The following TRDMT1 variants were observed in gnomAD, a reference collection of about 807,000 sequenced individuals.
The protein encoded by TRDMT1 is tRNA aspartic acid methyltransferase 1, also known as tRNA (cytosine(38)-C(5))-methyltransferase.
TRDMT1 carries 49 observed loss-of-function variants against 51.2 expected under a neutral mutation model. That is an observed-to-expected ratio of 0.96 (90% CI 0.76 to 1.21). The LOEUF (loss-of-function observed/expected upper bound fraction) is 1.21, where lower values mean the gene tolerates loss of function less well. TRDMT1 is among the 50% of genes most tolerant of loss of function. The pLI is 0.00. For missense variants in TRDMT1, 534 were observed against 462.3 expected (o/e 1.16, Z -1.42); for synonymous variants, 187 against 164.6 (o/e 1.14, Z -1.04).
chr10:17,148,537 T>C lies in TRDMT1; in HGVS notation c.*503A>G. 1 of 985,082 alleles carries C rather than the reference T, an allele frequency of 1.0e-6. No individual in the cohort carries two copies. The highest frequency in any genetic ancestry group is 1.1e-4 in the East Asian group (1 of 8,820). 61.0% of individuals were successfully genotyped at this position (985,082 alleles called of 1,614,324 possible). On this transcript the variant is annotated 3_prime_UTR_variant, in exon 11 of 11. Transcript: ENST00000377799. ...GTCTGCTGTATAAACTGAATGATGA[T>C]AATTTGGTTTACATATCATATGCAT...
At position 17,155,521 on chromosome 10, in the gene TRDMT1, G is replaced by GC. The variant is rs540945583; in HGVS notation, c.888-788dup. Among the ~76,000 whole-genome samples the GC allele has an allele frequency of 4.2e-4, 64 of 152,160 alleles. No homozygotes were observed. In the East Asian group the frequency reaches 0.011, roughly 25 times the overall value. ...TCTCTAACACCACAGCAAACACAGTGCCACTGATCCTATGTCTGCTTGTCA... is the reference window on the plus strand; with the variant it reads ...TCTCTAACACCACAGCAAACACAGTGCCCACTGATCCTATGTCTGCTTGTCA... On this transcript the variant is annotated intron_variant, in intron 8 of 10. Transcript: ENST00000377799.
intron 3 of TRDMT1, 37 bp from the exon 4 acceptor site, chr10:17,162,274 A>G (rs1357645540): frequency 6.6e-7 from 1 of 1,511,104 alleles, no homozygotes; most frequent in Admixed American, 2.1e-5. Flanking sequence ...AAAAAAAAAC[A>G]CAGAAAGTTT....
Position 17,146,811 on chromosome 10 carries a change from A to G in TRDMT1, c.*2229T>C. The G allele has an allele frequency of 1.0e-6, 1 of 985,414 alleles. No homozygotes were observed. The highest frequency in any genetic ancestry group is 1.1e-4 in the East Asian group (1 of 8,824). The allele number at this position is 985,414 out of a possible 1,614,324, so 61.0% of individuals were successfully genotyped here. ...CAAAAGCATATAGCAGACATTCCAT[A>G]AAATAACATTTTCCAAATTAATTAT... is the stretch of plus-strand genomic sequence containing the variant. On this transcript the variant is annotated 3_prime_UTR_variant, in exon 11 of 11. Transcript: ENST00000377799.
Position 17,146,954 on chromosome 10 carries a change from T to C in TRDMT1, c.*2086A>G. On this transcript the variant is annotated 3_prime_UTR_variant, in exon 11 of 11. Coordinates refer to ENST00000377799, the MANE Select transcript of TRDMT1 (RefSeq NM_004412.7). ...TGAATTAAGGGCAAGAATCACCGTC[T>C]TCCTGTGAATACATTCCCATAATTT... The C allele has an allele frequency of 6.1e-6, 6 of 985,472 alleles. No homozygotes were observed. Among genetic ancestry groups the C allele is most frequent in the South Asian group, 4.7e-5 (1 of 21,286 alleles). The allele number at this position is 985,472 out of a possible 1,614,324, so 61.0% of individuals were successfully genotyped here. A position where few individuals can be genotyped will look rare whatever the true frequency, so the allele number is the denominator to read the frequency against.
chr10:17,140,979 T>C lies in TRDMT1; in HGVS notation c.*8061A>G, dbSNP rs896864031. Among the ~76,000 whole-genome samples, 2 of 152,204 alleles carry C rather than the reference T, an allele frequency of 1.3e-5. No individual in the cohort carries two copies. The highest frequency in any genetic ancestry group is 2.9e-5 in the Non-Finnish European group (2 of 68,032). The stretch of plus-strand genomic sequence containing the variant: ...TTGTAAAGAGCTGCATAGAGGTATA[T>C]GTGTATCGATACATATATAGATAAA... On this transcript the variant is annotated 3_prime_UTR_variant, in exon 11 of 11. Transcript: ENST00000377799.
At chr10:17,167,257 T>C (rs533191867) in intron 3 of TRDMT1, among the ~76,000 whole-genome samples, 2 of 152,314 alleles carry the variant, frequency 1.3e-5, no homozygotes, top group African/African-American at 4.8e-5. Flanking sequence ...TAGATGGAAA[T>C]TTGGCATTAG....
chr10:17,199,725 G>T (rs1229724726), intron 1 of TRDMT1, among the ~76,000 whole-genome samples: 2 of 152,196 alleles, frequency 1.3e-5, no homozygotes, highest in Non-Finnish European at 2.9e-5. Context: ...TGATCATGCT[G>T]CCTGCTAGAA....
At chr10:17,185,838 T>C (rs1050080412) in intron 1 of TRDMT1, among the ~76,000 whole-genome samples, 8 of 151,946 alleles carry the variant, frequency 5.3e-5, no homozygotes, top group African/African-American at 9.7e-5. Flanking sequence ...TTCTCACTCA[T>C]AGGTGGGAAT....
intron 2 of TRDMT1, chr10:17,171,925 T>A (rs1191927131): frequency 1.8e-5 from 3 of 166,264 alleles, no homozygotes; most frequent in Non-Finnish European, 4.4e-5. Context: ...TATTAAGAGT[T>A]TTTGTTCCAC....
At chr10:17,179,290 A>C (rs1294712833) in intron 1 of TRDMT1, among the ~76,000 whole-genome samples, 2 of 152,148 alleles carry the variant, frequency 1.3e-5, no homozygotes, top group East Asian at 3.9e-4. Flanking sequence ...TCCTTGGCAG[A>C]AGAGAAGAGA....
At chr10:17,165,894 G>A (rs1841131151) in intron 3 of TRDMT1, among the ~76,000 whole-genome samples, 1 of 152,194 alleles carries the variant, frequency 6.6e-6, no homozygotes, top group Admixed American at 6.5e-5. Context: ...AGGATGTGGA[G>A]AAATAGGAAC....
At chr10:17,201,444 G>GCCGCCCCATAGTGT in intron 1 of TRDMT1, 127 bp downstream of exon 1, 1 of 835,796 alleles carries the variant, frequency 1.2e-6, no homozygotes. Context: ...ACAACCGAGG[G>GCCGCCCCATAGTGT]CCGCCCCACA....
intron 3 of TRDMT1, among the ~76,000 whole-genome samples, chr10:17,165,079 A>G (rs2131458379): frequency 6.6e-6 from 1 of 152,344 alleles, no homozygotes; most frequent in Admixed American, 6.5e-5. Context: ...CTAAGCCAAA[A>G]GAACGAAGCT....
chr10:17,183,367 T>C (rs983513386), intron 1 of TRDMT1, among the ~76,000 whole-genome samples: 4 of 152,196 alleles, frequency 2.6e-5, no homozygotes, highest in African/African-American at 4.8e-5. Flanking sequence ...TTAAACTCTT[T>C]TGAATAATTC....
chr10:17,159,942 T>C (rs1363346246), intron 6 of TRDMT1, among the ~76,000 whole-genome samples: 1 of 152,186 alleles, frequency 6.6e-6, no homozygotes, highest in African/African-American at 2.4e-5. Flanking sequence ...TACTACATGT[T>C]TATATTGTTT....
chr10:17,158,930 A>C (rs1043336515), intron 7 of TRDMT1, among the ~76,000 whole-genome samples: 1 of 152,150 alleles, frequency 6.6e-6, no homozygotes, highest in African/African-American at 2.4e-5. Flanking sequence ...GAGAAAAAGA[A>C]ACATTGTTTT....
intron 1 of TRDMT1, among the ~76,000 whole-genome samples, chr10:17,199,722 G>A (rs1845905786): frequency 6.6e-6 from 1 of 152,196 alleles, no homozygotes; most frequent in African/African-American, 2.4e-5. Context: ...AAATGATCAT[G>A]CTGCCTGCTA....
At chr10:17,166,479 ATGCACGTTG>A (rs1841227921) in intron 3 of TRDMT1, among the ~76,000 whole-genome samples, 1 of 152,056 alleles carries the variant, frequency 6.6e-6, no homozygotes. Context: ...TGTAACAAAC[ATGCACGTTG>A]TGCACATGTA....
In TRDMT1 at chr10:17,179,516, TTAAA is replaced by T. The variant is rs1479675863; in HGVS notation, c.65-4860_65-4857del. Among the ~76,000 whole-genome samples, 19 of 151,808 alleles carry T rather than the reference TTAAA, an allele frequency of 1.3e-4. 1 individual carries two copies. In the South Asian group the frequency reaches 3.9e-3, roughly 32 times the overall value. Reference sequence around the variant, plus strand: ...TGGCATTTATCTGGAATATTATAGATTAAATAGATAAAATAATAATGATAATGAT... The same window carrying T: ...TGGCATTTATCTGGAATATTATAGATTAGATAAAATAATAATGATAATGAT... On this transcript the variant is annotated intron_variant, in intron 1 of 10. Transcript: ENST00000377799.
Sources: allele counts gnomAD v4.1 joint callset (sites outside exome capture counted in the v4.1 genomes callset), GRCh38; gene constraint gnomAD v4.1.1; transcripts MANE v1.5; gene names NCBI Gene and HGNC (gene_info 2026-07-23, HGNC 2026-07-21).